Variants in IFT43 observed in about 807,000 individuals in gnomAD.
IFT43 encodes the protein intraflagellar transport protein 43 homolog.
Under a neutral mutation model 32.3 loss-of-function variants are expected in IFT43, and 33 were observed. That is an observed-to-expected ratio of 1.02 (90% CI 0.77 to 1.37). IFT43 has a LOEUF of 1.37. IFT43 is among the 40% of genes most tolerant of loss of function. The pLI, the probability that IFT43 is intolerant of heterozygous loss-of-function variation, is 0.00. For synonymous variants in IFT43, 93 were observed against 98.2 expected, an observed-to-expected ratio of 0.95 and a Z score of 0.31; for missense variants, 274 against 265.9, an observed-to-expected ratio of 1.03 and a Z score of -0.21.
intron 3 of IFT43, among the ~76,000 whole-genome samples, chr14:76,050,279 T>C (rs1293689120): frequency 1.3e-5 from 2 of 152,240 alleles, no homozygotes; most frequent in Non-Finnish European, 2.9e-5. Context: ...TGAACCTCAG[T>C]TTCCAGGTCC....
At chr14:76,073,866 C>A (rs12435714) in intron 5 of IFT43, among the ~76,000 whole-genome samples, 1 of 151,892 alleles carries the variant, frequency 6.6e-6, no homozygotes, top group Non-Finnish European at 1.5e-5. Context: ...CTCCCCCTCC[C>A]CCCGTTTCTC....
chr14:76,061,820 T>C (rs1040157344), intron 5 of IFT43, among the ~76,000 whole-genome samples: 5 of 152,186 alleles, frequency 3.3e-5, no homozygotes, highest in Admixed American at 3.3e-4. Flanking sequence ...ATATTTGCAT[T>C]ATGCTTATCT....
chr14:76,074,502 G>A (rs1416738411), intron 5 of IFT43, among the ~76,000 whole-genome samples: 5 of 152,120 alleles, frequency 3.3e-5, no homozygotes, highest in Non-Finnish European at 5.9e-5. Context: ...TTCAGAATGG[G>A]GTCATCTGAG....
intron 5 of IFT43, among the ~76,000 whole-genome samples, chr14:76,068,985 A>T (rs528077090): frequency 6.6e-6 from 1 of 152,192 alleles, no homozygotes; most frequent in Non-Finnish European, 1.5e-5. Flanking sequence ...ACAAACTGCG[A>T]CTGAGTCCCC....
chr14:76,080,593 C>A lies in IFT43; in HGVS notation c.296-1702C>A, dbSNP rs114812428. Among the ~76,000 whole-genome samples the A allele has an allele frequency of 9.9e-3, 1,514 of 152,262 alleles. 24 individuals are homozygous for A. Among genetic ancestry groups the A allele is most frequent in the African/African-American group, 0.034 (1,415 of 41,538 alleles). The stretch of plus-strand genomic sequence containing the variant: ...CTGAATATTCATCTCAGGCTGGATT[C>A]TGCACCCGAGGAGAGCCAGGCACAC... On this transcript the variant is annotated intron_variant, in intron 5 of 8. Coordinates refer to ENST00000314067, the MANE Select transcript of IFT43 (RefSeq NM_001102564.3).
intron 5 of IFT43, among the ~76,000 whole-genome samples, chr14:76,067,544 T>A (rs1594859675): frequency 6.6e-6 from 1 of 150,792 alleles, no homozygotes; most frequent in East Asian, 1.9e-4. Flanking sequence ...CACTCACCAC[T>A]GCACTCCAGC....
Position 76,053,076 on chromosome 14 carries a change from G to A in IFT43, c.216-5566G>A, listed in dbSNP as rs73311177. Among the ~76,000 whole-genome samples the A allele has an allele frequency of 6.0e-3, 910 of 152,198 alleles. 6 individuals carry two copies. Among genetic ancestry groups the A allele is most frequent in the African/African-American group, 0.021 (861 of 41,512 alleles). ...TAGGCAGGTTACTTACCTCTCTTGA[G>A]CTCCTCCTCTGTGAAACAAAGAGAA... On this transcript the variant is annotated intron_variant, in intron 3 of 8. Transcript: ENST00000314067.
chr14:76,067,541 C>T (rs1175378032), intron 5 of IFT43, among the ~76,000 whole-genome samples: 3 of 151,282 alleles, frequency 2.0e-5, no homozygotes, highest in African/African-American at 7.3e-5. Flanking sequence ...CCGCACTCAC[C>T]ACTGCACTCC....
chr14:76,009,801 G>GTTTTTTTTTT (rs371762422), intron 2 of IFT43, among the ~76,000 whole-genome samples: 1,756 of 146,950 alleles, frequency 0.012, 38 homozygotes, highest in African/African-American at 0.038. Context: ...TCATCTAGTG[G>GTTTTTTTTTT]TTTTTTTTTT....
intron 3 of IFT43, among the ~76,000 whole-genome samples, chr14:76,028,160 C>G (rs2036440389): frequency 1.3e-5 from 2 of 152,114 alleles, no homozygotes; most frequent in Admixed American, 1.3e-4. Context: ...AGTTTTATCA[C>G]TTGGTCTAGG....
At chr14:76,020,401 G>A (rs2036268556) in intron 2 of IFT43, among the ~76,000 whole-genome samples, 1 of 151,830 alleles carries the variant, frequency 6.6e-6, no homozygotes, top group African/African-American at 2.4e-5. Context: ...GAATTATTGT[G>A]TTCCTTTAAA....
At chr14:75,989,097 T>G (rs1566693049) in intron 2 of IFT43, 120 bp downstream of exon 2, 33 of 1,271,634 alleles carry the variant, frequency 2.6e-5, no homozygotes, top group Non-Finnish European at 3.4e-5. Context: ...TTCTCCTGTC[T>G]TGATTTGGGA....
At chr14:76,014,571 T>C (rs1015704643) in intron 2 of IFT43, among the ~76,000 whole-genome samples, 2 of 152,212 alleles carry the variant, frequency 1.3e-5, no homozygotes, top group Admixed American at 6.5e-5. Flanking sequence ...CCAGTATCAC[T>C]ACACCCTTGG....
At chr14:76,041,039 T>G (rs1163205955) in intron 3 of IFT43, among the ~76,000 whole-genome samples, 1 of 152,214 alleles carries the variant, frequency 6.6e-6, no homozygotes, top group Non-Finnish European at 1.5e-5. Context: ...GATGGCCAAG[T>G]GCAGGCACAA....
At chr14:75,992,111 T>C (rs538885792) in intron 2 of IFT43, among the ~76,000 whole-genome samples, 3 of 152,288 alleles carry the variant, frequency 2.0e-5, no homozygotes, top group Admixed American at 2.0e-4. Context: ...AAGTGGAAAT[T>C]AGTTCAAACA....
chr14:76,078,496 A>T (rs2037450490), intron 5 of IFT43, among the ~76,000 whole-genome samples: 2 of 152,176 alleles, frequency 1.3e-5, no homozygotes, highest in Admixed American at 6.5e-5. Flanking sequence ...TACCTTTCAC[A>T]TAGTGGGTGT....
chr14:76,005,012 C>G (rs560293682), intron 2 of IFT43, among the ~76,000 whole-genome samples: 2 of 152,086 alleles, frequency 1.3e-5, no homozygotes, highest in African/African-American at 4.8e-5. Context: ...TTATAAGGTC[C>G]TTATATAGCT....
chr14:75,996,665 AGTT>A (rs2035753294), intron 2 of IFT43, among the ~76,000 whole-genome samples: 1 of 152,176 alleles, frequency 6.6e-6, no homozygotes, highest in Non-Finnish European at 1.5e-5. Context: ...GCCATTGGCC[AGTT>A]GTTTGCCAAC....
intron 5 of IFT43, among the ~76,000 whole-genome samples, chr14:76,064,079 C>CT (rs200014919): frequency 0.01 from 1,584 of 152,274 alleles, 32 homozygotes; most frequent in African/African-American, 0.036. Context: ...ACTCCACACT[C>CT]TAAGATTTAG....
Sources: gnomAD v4.1 joint callset for allele counts (sites outside exome capture counted in the v4.1 genomes callset) on GRCh38, gnomAD v4.1.1 for gene constraint, MANE v1.5 for transcripts, NCBI Gene and HGNC (gene_info 2026-07-23, HGNC 2026-07-21) for gene names.